The following PCDHGA4 variants were observed in gnomAD, a reference collection of about 807,000 sequenced individuals.
The protein encoded by PCDHGA4 is protocadherin gamma-A4.
In PCDHGA4, 38 loss-of-function variants were observed where a neutral mutation model predicts 54.6. The observed-to-expected ratio is 0.70, with a 90% CI of 0.54 to 0.91. PCDHGA4 has a LOEUF of 0.91. PCDHGA4 is among the 40% of genes least tolerant of loss of function. The probability of loss-of-function intolerance (pLI) is 0.00; values close to 1 mark genes in which losing one functional copy is unlikely to be tolerated. For synonymous variants in PCDHGA4, 511 were observed against 512.9 expected, an observed-to-expected ratio of 1.00 and a Z score of 0.05; for missense variants, 1,298 against 1,220.9, an observed-to-expected ratio of 1.06 and a Z score of -0.94.
In PCDHGA4 at chr5:141,489,200, G is replaced by A. The variant is rs1483035320; in HGVS notation, c.2515-5607G>A. The A allele has an allele frequency of 2.8e-6, 4 of 1,412,792 alleles. No individual in the cohort carries two copies. The highest frequency in any genetic ancestry group is 3.9e-6 in the Non-Finnish European group (4 of 1,038,374). The allele number at this position is 1,412,792 out of a possible 1,614,324, so 87.5% of individuals were successfully genotyped here. A position where few individuals can be genotyped will look rare whatever the true frequency, so the allele number is the denominator to read the frequency against. On this transcript the variant is annotated intron_variant, in intron 1 of 3. Coordinates refer to ENST00000571252, the MANE Select transcript of PCDHGA4 (RefSeq NM_018917.4). This position sits in a 1 kb window ranked among gnomAD's most constrained non-coding sequence, Gnocchi z 4.5. ...AAGCCCTGGGTCTACCTTGGAGACAGGACAGCACAGACTTACTCTCCACAA... is the reference window on the plus strand; with the variant it reads ...AAGCCCTGGGTCTACCTTGGAGACAAGACAGCACAGACTTACTCTCCACAA...
chr5:141,421,847 C>G, intron 1 of PCDHGA4: 1 of 1,613,752 alleles, frequency 6.2e-7, no homozygotes, highest in Non-Finnish European at 8.5e-7. Flanking sequence ...GAGAAAGAGG[C>G]TGCTCACCTG....
rs770685748 is a variant in PCDHGA4 at position 141,486,601 on chromosome 5, C to T, written c.2515-8206C>T. 9 of 1,613,558 alleles carry T rather than the reference C, an allele frequency of 5.6e-6. No homozygotes were observed. The highest frequency in any genetic ancestry group is 7.6e-6 in the Non-Finnish European group (9 of 1,180,024). On this transcript the variant is annotated intron_variant, in intron 1 of 3. Transcript: ENST00000571252. This position sits in a 1 kb window ranked among gnomAD's most constrained non-coding sequence, Gnocchi z 5.0. ...ATCGCCCAGGGGACCTGCTTTGCTC[C>T]CTTGCAGCCTCTGACCCAGACTCTG...
chr5:141,476,922 C>T lies in PCDHGA4; in HGVS notation c.2515-17885C>T. 4 of 1,614,120 alleles carry T rather than the reference C, an allele frequency of 2.5e-6. No individual in the cohort carries two copies. Among genetic ancestry groups the T allele is most frequent in the Non-Finnish European group, 2.5e-6 (3 of 1,180,050 alleles). On this transcript the variant is annotated intron_variant, in intron 1 of 3. Transcript: ENST00000571252. The surrounding 1 kb of genome is among the most constrained non-coding windows in gnomAD (Gnocchi z 7.6). ...ACGCGCGTGGTACAAGTCCTTGCAA[C>T]GGATCTGGATGAAGGCCCCAACGGT...
At chr5:141,401,667 C>T (rs539975682) in intron 1 of PCDHGA4, among the ~76,000 whole-genome samples, 1 of 152,340 alleles carries the variant, frequency 6.6e-6, no homozygotes, top group South Asian at 2.1e-4. Context: ...GTTTTCTCAA[C>T]ATCCTTGTAG....
chr5:141,366,033 C>G (rs1310722008), intron 1 of PCDHGA4: 2 of 1,614,254 alleles, frequency 1.2e-6, no homozygotes, highest in South Asian at 2.2e-5. Context: ...CCCGCCCTCC[C>G]CACAGACGGT....
At chr5:141,453,042 A>G (rs2098754438) in intron 1 of PCDHGA4, among the ~76,000 whole-genome samples, 1 of 152,116 alleles carries the variant, frequency 6.6e-6, no homozygotes, top group Non-Finnish European at 1.5e-5. Context: ...GTTTGTTTCT[A>G]TTATGTGCAG....
At chr5:141,366,782 G>T in intron 1 of PCDHGA4, 4 of 1,580,298 alleles carry the variant, frequency 2.5e-6, no homozygotes, top group South Asian at 1.2e-5. Flanking sequence ...AGGATGACCA[G>T]AACATTTTCA....
At chr5:141,447,650 T>TC (rs1036312126) in intron 1 of PCDHGA4, among the ~76,000 whole-genome samples, 5 of 151,988 alleles carry the variant, frequency 3.3e-5, no homozygotes, top group Non-Finnish European at 5.9e-5. Context: ...GGTAGAATTT[T>TC]CCCCCCCAGG....
Position 141,419,064 on chromosome 5 carries a change from A to G in PCDHGA4, c.2514+61443A>G, listed in dbSNP as rs149057484. ...ATTCATTCTTCTTCTAATAATTACT[A>G]CAAGCTAGTAACAGATGAGGCCCTG... On this transcript the variant is annotated intron_variant, in intron 1 of 3. Transcript: ENST00000571252. 51 of 1,613,962 alleles carry G rather than the reference A, an allele frequency of 3.2e-5. No homozygotes were observed. In the African/African-American group the frequency reaches 5.9e-4, roughly 19 times the overall value.
rs773476205 is a variant in PCDHGA4, at chr5:141,355,510, A to G, written c.403A>G (p.Thr135Ala). ...CTGCGACAGATCTCCAAACTGTGTG[A>G]CAAACCTGGAGATTCTTCTAGAAGA... ...ELCDRSPNCVTNLEILLEDTV... is the reference protein window; with the variant it reads ...ELCDRSPNCVANLEILLEDTV... Residue 135 changes from threonine to alanine, a missense_variant, in exon 1 of 4, where the codon ACA becomes GCA. Thr to Ala is a moderately conservative substitution (Grantham distance 58). Coordinates refer to ENST00000571252, the MANE Select transcript of PCDHGA4 (RefSeq NM_018917.4). The G allele has an allele frequency of 6.2e-7, 1 of 1,614,082 alleles. No individual in the cohort carries two copies. Among genetic ancestry groups the G allele is most frequent in the Non-Finnish European group, 8.5e-7 (1 of 1,179,900 alleles).
chr5:141,431,799 T>A lies in PCDHGA4; in HGVS notation c.2515-63008T>A. 6.2e-7 allele frequency: 1 copy of A among 1,614,228 alleles called. No homozygotes were observed. The highest frequency in any genetic ancestry group is 8.5e-7 in the Non-Finnish European group (1 of 1,180,036). On this transcript the variant is annotated intron_variant, in intron 1 of 3. Transcript: ENST00000571252. This position sits in a 1 kb window ranked among gnomAD's most constrained non-coding sequence, Gnocchi z 4.8. ...GACGTGAACGACAATGCCCCAGAAG[T>A]GGTCCTCACCTCTCTCGCCAGCTCG...
Position 141,476,208 on chromosome 5 carries a change from C to T in PCDHGA4, c.2515-18599C>T, listed in dbSNP as rs1266601125. The T allele has an allele frequency of 6.2e-7, 1 of 1,613,794 alleles. No homozygotes were observed. ...CTTGGTGCCTTGAACAAGGCTTCCA[C>T]GGTCATTCACTATGAGATCCCGGAG... On this transcript the variant is annotated intron_variant, in intron 1 of 3. Coordinates refer to ENST00000571252, the MANE Select transcript of PCDHGA4 (RefSeq NM_018917.4). The surrounding 1 kb of genome is among the most constrained non-coding windows in gnomAD (Gnocchi z 7.6).
chr5:141,508,721 G>A (rs1266581528), intron 3 of PCDHGA4, among the ~76,000 whole-genome samples: 1 of 151,930 alleles, frequency 6.6e-6, no homozygotes, highest in Non-Finnish European at 1.5e-5. Flanking sequence ...TCTGTGTGCA[G>A]GGAGACTACA....
intron 1 of PCDHGA4, chr5:141,366,198 C>A (rs187196267): frequency 1.2e-6 from 2 of 1,613,774 alleles, no homozygotes; most frequent in African/African-American, 2.7e-5. Flanking sequence ...GGGCTGCACA[C>A]GGGCGAGGTG....
At chr5:141,380,267 C>A (rs1021604042) in intron 1 of PCDHGA4, among the ~76,000 whole-genome samples, 2 of 152,042 alleles carry the variant, frequency 1.3e-5, no homozygotes, top group Non-Finnish European at 2.9e-5. Flanking sequence ...GGAGTAAAAT[C>A]TCAGAGGAGA....
chr5:141,368,284 GA>G lies in PCDHGA4; in HGVS notation c.2514+10664del, dbSNP rs536595269. ...CACATTAAAGAACCTAAGACCACTT[GA>G]TTTTTATTTTTTAAACACTGTTAAA... On this transcript the variant is annotated intron_variant, in intron 1 of 3. Transcript: ENST00000571252. Among the ~76,000 whole-genome samples the G allele has an allele frequency of 3.5e-4, 53 of 152,086 alleles. No homozygotes were observed. The East Asian group carries it at 0.01, about 29-fold the overall frequency.
Position 141,356,496 on chromosome 5 carries a change from G to C in PCDHGA4, c.1389G>C (p.Leu463=). Residue 463 remains leucine (L), a synonymous_variant, in exon 1 of 4, where the codon CTG becomes CTC. Coordinates refer to ENST00000571252, the MANE Select transcript of PCDHGA4 (RefSeq NM_018917.4). ...CCACTGACCAGGGAACTCCTCCACT[G>C]TCTACAGAAACTCATATTTCACTGC... ...VTATDQGTPP[L]STETHISLQV... is the part of the protein sequence containing the mutation. 6.2e-7 allele frequency: 1 copy of C among 1,613,960 alleles called. No individual in the cohort carries two copies.
chr5:141,403,953 T>C, intron 1 of PCDHGA4: 1 of 1,613,860 alleles, frequency 6.2e-7, no homozygotes, highest in South Asian at 1.1e-5. Flanking sequence ...ACAAAAGTGC[T>C]CATTTCGGTG....
chr5:141,410,602 T>A, intron 1 of PCDHGA4: 4 of 1,607,792 alleles, frequency 2.5e-6, no homozygotes, highest in South Asian at 2.2e-5. Flanking sequence ...TGACTTCACA[T>A]CCTGAGACTC....
Sources: allele counts gnomAD v4.1 joint callset (sites outside exome capture counted in the v4.1 genomes callset), GRCh38; gene constraint gnomAD v4.1.1; non-coding constraint Gnocchi (gnomAD v3.1); transcripts MANE v1.5; gene names NCBI Gene and HGNC (gene_info 2026-07-23, HGNC 2026-07-21).